Variants in ZNF678 observed in about 807,000 individuals in gnomAD.
ZNF678 encodes hypothetical protein MGC42493.
ZNF678 carries 5 observed loss-of-function variants against 3.0 expected under a neutral mutation model. The ratio of observed to expected loss-of-function variants is 1.69; its 90% CI spans 0.88 to 3.56. The LOEUF (loss-of-function observed/expected upper bound fraction) is 3.56. Ranked by LOEUF, ZNF678 falls within the 30% of genes most tolerant of loss-of-function variation. ZNF678 has a pLI of 0.00. For missense variants in ZNF678, 593 were observed against 605.0 expected, an observed-to-expected ratio of 0.98 and a Z score of 0.21; for synonymous variants, 218 against 199.6, an observed-to-expected ratio of 1.09 and a Z score of -0.78.
intron 1 of ZNF678, among the ~76,000 whole-genome samples, chr1:227,587,851 T>A (rs1657302211): frequency 6.7e-6 from 1 of 148,244 alleles, no homozygotes; most frequent in Non-Finnish European, 1.5e-5. Flanking sequence ...TTAAAAAAAA[T>A]TCAGGGGTAC....
At chr1:227,610,355 A>G (rs547556308) in intron 1 of ZNF678, among the ~76,000 whole-genome samples, 36 of 152,324 alleles carry the variant, frequency 2.4e-4, no homozygotes, top group African/African-American at 8.7e-4. Flanking sequence ...ACCTACATAT[A>G]TAGTAGTTCA....
chr1:227,650,388 C>T (rs1040078627), intron 2 of ZNF678, among the ~76,000 whole-genome samples: 12 of 152,160 alleles, frequency 7.9e-5, no homozygotes, highest in Non-Finnish European at 1.3e-4. Flanking sequence ...CCATCCTACT[C>T]TTATTACCAT....
chr1:227,584,336 C>T (rs1657205839), intron 1 of ZNF678, among the ~76,000 whole-genome samples: 1 of 152,140 alleles, frequency 6.6e-6, no homozygotes, highest in South Asian at 2.1e-4. Flanking sequence ...CAAGAACTTC[C>T]TTAAACGAAC....
intron 1 of ZNF678, among the ~76,000 whole-genome samples, chr1:227,633,053 A>G (rs187749750): frequency 6.6e-6 from 1 of 152,250 alleles, no homozygotes; most frequent in Admixed American, 6.5e-5. Flanking sequence ...GAACAATGAC[A>G]AGACTCTAGC....
chr1:227,606,521 A>G (rs570252220), intron 1 of ZNF678, among the ~76,000 whole-genome samples: 3 of 152,230 alleles, frequency 2.0e-5, no homozygotes, highest in East Asian at 1.9e-4. Flanking sequence ...TCCCAGGGAC[A>G]TGCCGGAATC....
chr1:227,572,439 G>T (rs909718342), intron 1 of ZNF678, among the ~76,000 whole-genome samples: 4 of 152,214 alleles, frequency 2.6e-5, no homozygotes, highest in African/African-American at 9.6e-5. Context: ...TTCTCTGCAT[G>T]GTCCAAAACT....
intron 1 of ZNF678, among the ~76,000 whole-genome samples, chr1:227,580,823 G>C (rs1467653018): frequency 6.6e-6 from 1 of 151,950 alleles, no homozygotes; most frequent in Non-Finnish European, 1.5e-5. Flanking sequence ...CCAGCTACTT[G>C]GGAGGCTGAG....
chr1:227,615,534 C>T (rs1391872988), intron 1 of ZNF678, among the ~76,000 whole-genome samples: 2 of 152,168 alleles, frequency 1.3e-5, no homozygotes, highest in Admixed American at 6.5e-5. Context: ...CCTCCTGTCC[C>T]ACTCCAGCCT....
At chr1:227,669,952 G>A (rs1347892185) in intron 5 of ZNF678, among the ~76,000 whole-genome samples, 2 of 152,120 alleles carry the variant, frequency 1.3e-5, no homozygotes, top group Non-Finnish European at 2.9e-5. Context: ...AATCAATCTA[G>A]GTGCCCGACA....
In ZNF678 at chr1:227,646,630, G is replaced by C. The variant is rs1658965564; in HGVS notation, c.-77G>C. Reference sequence around the variant, plus strand: ...ACCCTGCCCAGCGAAATTTGTATAGGGATGTGATGTTCGAGAACTACAGAA... The same window carrying C: ...ACCCTGCCCAGCGAAATTTGTATAGCGATGTGATGTTCGAGAACTACAGAA... On this transcript the variant is annotated 5_prime_UTR_variant, in exon 2 of 4. Transcript: ENST00000343776. 7.3e-7 allele frequency: 1 copy of C among 1,372,286 alleles called. No homozygotes were observed. The highest frequency in any genetic ancestry group is 1.9e-5 in the Admixed American group (1 of 52,772). The allele number at this position is 1,372,286 out of a possible 1,614,324, so 85.0% of individuals were successfully genotyped here. A position where few individuals can be genotyped will look rare whatever the true frequency, so the allele number is the denominator to read the frequency against.
chr1:227,585,146 A>G (rs767217343), intron 1 of ZNF678, among the ~76,000 whole-genome samples: 1 of 152,188 alleles, frequency 6.6e-6, no homozygotes, highest in Non-Finnish European at 1.5e-5. Flanking sequence ...AAGATGAGAA[A>G]AGGAGACAGA....
rs181567324 is a variant in ZNF678, at chr1:227,635,543, G to A, written c.-163-11001G>A. On this transcript the variant is annotated intron_variant, in intron 1 of 3. Transcript: ENST00000343776. ...TGTGTGTGTGTGTGTGTGTGTGTGT[G>A]TGTGTGTGTGTGTGTGTGTGTAGCA... 5.4e-3 allele frequency among the ~76,000 whole-genome samples: 818 copies of A among 151,560 alleles called. 6 individuals are homozygous for A. The highest frequency in any genetic ancestry group is 0.019 in the African/African-American group (784 of 41,340).
intron 1 of ZNF678, among the ~76,000 whole-genome samples, chr1:227,603,303 C>G (rs1386275734): frequency 6.6e-6 from 1 of 152,126 alleles, no homozygotes; most frequent in Non-Finnish European, 1.5e-5. Context: ...ATCTATTTTG[C>G]TACTTTCTGT....
chr1:227,651,031 G>A lies in ZNF678; in HGVS notation c.40G>A (p.Glu14Lys), dbSNP rs748776566. ...ACTTTGCATTGGTGTCTGTGCATTT[G>A]AAGGAGCAAACACCTCTACCAGTTT... ...ISLCIGVCAF[E>K]GANTSTSFYK... is the part of the protein sequence containing the mutation. Residue 14 changes from glutamate to lysine, a missense_variant, in exon 3 of 4, where the codon GAA becomes AAA. Glu to Lys is a moderately conservative substitution (Grantham distance 56, BLOSUM62 1). Coordinates refer to ENST00000343776, the MANE Select transcript of ZNF678 (RefSeq NM_001367909.1). 6.2e-7 allele frequency: 1 copy of A among 1,613,608 alleles called. No homozygotes were observed. Among genetic ancestry groups the A allele is most frequent in the Admixed American group, 1.7e-5 (1 of 60,010 alleles).
chr1:227,595,102 T>A (rs1188080800), intron 1 of ZNF678, among the ~76,000 whole-genome samples: 2 of 152,130 alleles, frequency 1.3e-5, no homozygotes, highest in Admixed American at 1.3e-4. Flanking sequence ...TACCTTCAAT[T>A]ATCAATTACA....
At chr1:227,579,668 C>T (rs539212747) in intron 1 of ZNF678, among the ~76,000 whole-genome samples, 7 of 152,096 alleles carry the variant, frequency 4.6e-5, no homozygotes, top group Admixed American at 4.6e-4. Flanking sequence ...GGGCATAGTG[C>T]ATCAGTGCAA....
chr1:227,571,357 T>C (rs1473076191), intron 1 of ZNF678, among the ~76,000 whole-genome samples: 7 of 152,230 alleles, frequency 4.6e-5, no homozygotes, highest in African/African-American at 4.8e-5. Context: ...CAAGATTTTA[T>C]GGGTAAATGT....
chr1:227,629,187 T>C (rs1658492366), intron 1 of ZNF678, among the ~76,000 whole-genome samples: 1 of 152,100 alleles, frequency 6.6e-6, no homozygotes, highest in Non-Finnish European at 1.5e-5. Context: ...GTGCCTCGGG[T>C]CTAAGGGGGT....
intron 1 of ZNF678, among the ~76,000 whole-genome samples, chr1:227,611,246 A>T (rs1284561819): frequency 6.6e-6 from 1 of 152,128 alleles, no homozygotes; most frequent in Non-Finnish European, 1.5e-5. Flanking sequence ...CTGGGTGATA[A>T]CCCAAAGGAA....
Sources: gnomAD v4.1 joint callset for allele counts (sites outside exome capture counted in the v4.1 genomes callset) on GRCh38, gnomAD v4.1.1 for gene constraint, MANE v1.5 for transcripts, NCBI Gene and HGNC (gene_info 2026-07-23, HGNC 2026-07-21) for gene names.